The following MACROD2 variants were observed in gnomAD, a reference collection of about 807,000 sequenced individuals.
MACROD2 encodes the protein mono-ADP ribosylhydrolase 2.
In MACROD2, 36 loss-of-function variants were observed where a neutral mutation model predicts 70.4. That is an observed-to-expected ratio of 0.51 (90% CI 0.39 to 0.68). The LOEUF is 0.68. MACROD2 is among the 30% of genes least tolerant of loss of function. The probability of loss-of-function intolerance (pLI) is 0.00; values close to 1 mark genes in which losing one functional copy is unlikely to be tolerated. For missense variants in MACROD2, 496 were observed against 538.4 expected, an observed-to-expected ratio of 0.92 and a Z score of 0.78; for synonymous variants, 172 against 178.8, an observed-to-expected ratio of 0.96 and a Z score of 0.30.
At chr20:15,607,428 A>G (rs555222430) in intron 8 of MACROD2, among the ~76,000 whole-genome samples, 3 of 152,338 alleles carry the variant, frequency 2.0e-5, no homozygotes, top group Admixed American at 1.3e-4. Context: ...CTTTTCAGCC[A>G]TTGGCCATTT....
intron 9 of MACROD2, among the ~76,000 whole-genome samples, 174 bp from the exon 10 acceptor site, chr20:15,885,590 T>G (rs2064811594): frequency 6.6e-6 from 1 of 152,164 alleles, no homozygotes. Context: ...TGTGTATACT[T>G]TCTTCTTAAC....
intron 3 of MACROD2, among the ~76,000 whole-genome samples, chr20:14,196,489 C>A (rs902404442): frequency 8.5e-5 from 13 of 152,200 alleles, no homozygotes; most frequent in African/African-American, 2.9e-4. Flanking sequence ...TTGCCCTTTC[C>A]ACTCACTATC....
chr20:15,940,074 G>T (rs1426705190), intron 12 of MACROD2, among the ~76,000 whole-genome samples: 1 of 152,126 alleles, frequency 6.6e-6, no homozygotes, highest in Non-Finnish European at 1.5e-5. Context: ...AAGACAGCAG[G>T]TTTGAGAGTA....
intron 8 of MACROD2, among the ~76,000 whole-genome samples, chr20:15,651,833 G>A (rs549566048): frequency 2.5e-4 from 38 of 152,190 alleles, no homozygotes; most frequent in African/African-American, 8.2e-4. Context: ...CTAATGAAAA[G>A]ATAATTTCAT....
intron 6 of MACROD2, among the ~76,000 whole-genome samples, chr20:15,316,827 T>A (rs1252101472): frequency 6.6e-6 from 1 of 152,154 alleles, no homozygotes; most frequent in Non-Finnish European, 1.5e-5. Context: ...TTGAAAAGAC[T>A]GAAATCATGT....
At chr20:14,604,044 C>A (rs1220340146) in intron 4 of MACROD2, among the ~76,000 whole-genome samples, 2 of 152,168 alleles carry the variant, frequency 1.3e-5, no homozygotes, top group Non-Finnish European at 2.9e-5. Context: ...GATGCTTTTG[C>A]TCCCTCTGAC....
In MACROD2 at chr20:15,677,789, C is replaced by T. The variant is rs181754778; in HGVS notation, c.645+177942C>T. On this transcript the variant is annotated intron_variant, in intron 8 of 17. Coordinates refer to ENST00000684519, the MANE Select transcript of MACROD2 (RefSeq NM_001351661.2). The stretch of plus-strand genomic sequence containing the variant: ...TTTACCTTATAAAAATGTATTTTGG[C>T]CAGGCGCGGTGGCTCACACCTGTAA... 1.1e-4 allele frequency among the ~76,000 whole-genome samples: 17 copies of T among 152,278 alleles called. No individual in the cohort carries two copies. The East Asian group carries it at 3.3e-3, about 29-fold the overall frequency.
At chr20:14,257,543 C>A (rs79629650) in intron 3 of MACROD2, among the ~76,000 whole-genome samples, 4,356 of 152,022 alleles carry the variant, frequency 0.029, 106 homozygotes, top group Non-Finnish European at 0.042. Flanking sequence ...TAGATGAAAT[C>A]TTTTAAACAT....
intron 12 of MACROD2, among the ~76,000 whole-genome samples, chr20:15,945,056 C>T (rs1035173188): frequency 5.3e-5 from 8 of 152,102 alleles, no homozygotes; most frequent in African/African-American, 1.4e-4. Context: ...TGTGATCTTT[C>T]GCAAATTATT....
chr20:15,278,918 AC>A (rs764207882), intron 6 of MACROD2, among the ~76,000 whole-genome samples: 9 of 152,132 alleles, frequency 5.9e-5, no homozygotes, highest in Non-Finnish European at 1.2e-4. Flanking sequence ...TGTTTTGTAA[AC>A]TTTTCCTGAA....
At position 15,925,737 on chromosome 20, in the gene MACROD2, C is replaced by T. The variant is rs540893874; in HGVS notation, c.776-7539C>T. On this transcript the variant is annotated intron_variant, in intron 10 of 17. Coordinates refer to ENST00000684519, the MANE Select transcript of MACROD2 (RefSeq NM_001351661.2). ...TTCATGCATTTCGTCTCTTTGAACACGTGTTATTAAACTGAAGTCCCCGTT... is the reference window on the plus strand; with the variant it reads ...TTCATGCATTTCGTCTCTTTGAACATGTGTTATTAAACTGAAGTCCCCGTT... Among the ~76,000 whole-genome samples, 18 of 152,304 alleles carry T rather than the reference C, an allele frequency of 1.2e-4. 1 individual carries two copies. In the South Asian group the frequency reaches 3.3e-3, roughly 28 times the overall value.
chr20:14,749,180 G>A (rs2071837606), intron 5 of MACROD2, among the ~76,000 whole-genome samples: 1 of 152,114 alleles, frequency 6.6e-6, no homozygotes, highest in Middle Eastern at 3.4e-3. Context: ...TATAACCCAT[G>A]CCATTAGAAA....
intron 3 of MACROD2, among the ~76,000 whole-genome samples, chr20:14,237,657 G>A (rs1437922728): frequency 1.3e-5 from 2 of 151,334 alleles, no homozygotes; most frequent in African/African-American, 4.9e-5. Context: ...TTGTCATTTA[G>A]CATTAGGTAT....
intron 8 of MACROD2, among the ~76,000 whole-genome samples, chr20:15,581,797 G>A (rs2048528066): frequency 6.6e-6 from 1 of 152,172 alleles, no homozygotes. Flanking sequence ...TGGGGACTAT[G>A]TTATGTGAGT....
chr20:14,230,655 A>ATATAT (rs1569217393), intron 3 of MACROD2, among the ~76,000 whole-genome samples: 2 of 38,042 alleles, frequency 5.3e-5, no homozygotes, highest in African/African-American at 3.1e-4. Flanking sequence ...ATATATATAT[A>ATATAT]ACACAGGCTG....
chr20:14,181,926 A>G (rs1252429020), intron 3 of MACROD2, among the ~76,000 whole-genome samples: 1 of 152,202 alleles, frequency 6.6e-6, no homozygotes, highest in Non-Finnish European at 1.5e-5. Flanking sequence ...TTTTCTGGCT[A>G]TTGTGAATAA....
chr20:15,409,885 T>A (rs187098845), intron 6 of MACROD2, among the ~76,000 whole-genome samples: 4 of 152,298 alleles, frequency 2.6e-5, no homozygotes, highest in African/African-American at 9.6e-5. Flanking sequence ...GGGTGAAACA[T>A]CAACAGCGTG....
chr20:15,948,998 A>G (rs1349560400), intron 12 of MACROD2, among the ~76,000 whole-genome samples: 1 of 152,202 alleles, frequency 6.6e-6, no homozygotes, highest in African/African-American at 2.4e-5. Flanking sequence ...GTCCAAATTT[A>G]TATGAGCATC....
In MACROD2 at chr20:15,848,965, C is replaced by A. The variant is rs183172630; in HGVS notation, c.646-13780C>A. ...CTGAGGGGCATGTTCCTCTATCTGG[C>A]ATTTAAAGAGAGAGATGATATGAAA... On this transcript the variant is annotated intron_variant, in intron 8 of 17. Coordinates refer to ENST00000684519, the MANE Select transcript of MACROD2 (RefSeq NM_001351661.2). Among the ~76,000 whole-genome samples, 12 of 152,158 alleles carry A rather than the reference C, an allele frequency of 7.9e-5. No homozygotes were observed. In the East Asian group the frequency reaches 2.3e-3, roughly 29 times the overall value.
Sources: allele counts gnomAD v4.1 joint callset (sites outside exome capture counted in the v4.1 genomes callset), GRCh38; gene constraint gnomAD v4.1.1; transcripts MANE v1.5; gene names NCBI Gene and HGNC (gene_info 2026-07-23, HGNC 2026-07-21).